GNA15: variants seen among roughly 807,000 people sequenced by gnomAD.
GNA15 encodes the protein G protein subunit alpha 15, also known as guanine nucleotide-binding protein subunit alpha-15.
GNA15 carries 23 observed loss-of-function variants against 40.1 expected under a neutral mutation model. The ratio of observed to expected loss-of-function variants is 0.57; its 90% CI spans 0.41 to 0.81. The LOEUF is 0.81. Ranked by LOEUF, GNA15 falls within the 40% of genes least tolerant of loss-of-function variation. The probability of loss-of-function intolerance (pLI) is 0.00; values close to 1 mark genes in which losing one functional copy is unlikely to be tolerated. For missense variants in GNA15, 522 were observed against 515.8 expected, an observed-to-expected ratio of 1.01 and a Z score of -0.12; for synonymous variants, 226 against 210.4, an observed-to-expected ratio of 1.07 and a Z score of -0.64.
At chr19:3,156,200 A>G (rs1281053033) in intron 5 of GNA15, among the ~76,000 whole-genome samples, 19 of 145,226 alleles carry the variant, frequency 1.3e-4, no homozygotes, top group South Asian at 1.3e-3. Context: ...ACACACACAC[A>G]CACTACAGTG....
In GNA15 at chr19:3,151,868, C is replaced by G. The variant is rs371186848; in HGVS notation, c.614+33C>G. 3 of 1,524,184 alleles carry G rather than the reference C, an allele frequency of 2.0e-6. No individual in the cohort carries two copies. The allele number at this position is 1,524,184 out of a possible 1,614,324, so 94.4% of individuals were successfully genotyped here. A position where few individuals can be genotyped will look rare whatever the true frequency, so the allele number is the denominator to read the frequency against. On this transcript the variant is annotated intron_variant, in intron 4 of 6. Transcript: ENST00000262958. The surrounding 1 kb of genome is among the most constrained non-coding windows in gnomAD (Gnocchi z 5.0). ...CTCCACCTAGGCCCAGCCTAGGGGG[C>G]AGGGAAGGCTTCCTGTAGGAAGGGC...
rs771240163 is a variant in GNA15, at chr19:3,150,137, G to C, written c.337G>C (p.Ala113Pro). ...PFSRPESKHHASLVMSQDPYK... is the reference protein window; with the variant it reads ...PFSRPESKHHPSLVMSQDPYK... ...CCCCGTCCTCCCTCCCCAGCACCAC[G>C]CTAGCCTGGTCATGAGCCAGGACCC... The change falls in exon 3 of 7, where the codon GCT becomes CCT. Residue 113 changes from alanine to proline, a missense_variant. Physicochemically the swap from Ala to Pro is conservative, Grantham distance 27. Coordinates refer to ENST00000262958, the MANE Select transcript of GNA15 (RefSeq NM_002068.4). The C allele has an allele frequency of 3.7e-6, 6 of 1,613,014 alleles. No individual in the cohort carries two copies. Among genetic ancestry groups the C allele is most frequent in the Non-Finnish European group, 5.1e-6 (6 of 1,179,788 alleles).
rs143953630 is a variant in GNA15 at position 3,151,765 on chromosome 19, G to A, written c.544G>A (p.Val182Met). Residue 182 changes from valine to methionine, a missense_variant, in exon 4 of 7, where the codon GTG (valine) becomes ATG (methionine). Coordinates refer to ENST00000262958, the MANE Select transcript of GNA15 (RefSeq NM_002068.4). The surrounding 1 kb of genome is among the most constrained non-coding windows in gnomAD (Gnocchi z 5.0). ...EEGYVPTAQD[V>M]LRSRMPTTGI... is the part of the protein sequence containing the mutation. ...GGGCTACGTCCCCACAGCTCAGGAC[G>A]TGCTCCGCAGCCGCATGCCCACCAC... 2.7e-4 allele frequency: 438 copies of A among 1,612,534 alleles called. 1 individual carries two copies. The highest frequency in any genetic ancestry group is 3.4e-4 in the Non-Finnish European group (405 of 1,179,584).
rs1439742817 is a variant in GNA15 at position 3,136,624 on chromosome 19, G to T, written c.145+29G>T. 1 of 1,540,064 alleles carries T rather than the reference G, an allele frequency of 6.5e-7. No individual in the cohort carries two copies. Among genetic ancestry groups the T allele is most frequent in the Admixed American group, 2.0e-5 (1 of 50,774 alleles). Reference sequence around the variant, plus strand: ...AGTCCAGGGTCGGTGGGCGGTGGGTGGTGGGCAGTGGGCGGTGGCCAGCCG... The same window carrying T: ...AGTCCAGGGTCGGTGGGCGGTGGGTTGTGGGCAGTGGGCGGTGGCCAGCCG... On this transcript the variant is annotated intron_variant, in intron 1 of 6. Transcript: ENST00000262958. The surrounding 1 kb of genome is among the most constrained non-coding windows in gnomAD (Gnocchi z 4.9).
At position 3,157,818 on chromosome 19, in the gene GNA15, A is replaced by T. The variant is rs1915063693; in HGVS notation, c.835A>T (p.Thr279Ser). ...ATCCGTCATCCTCTTTCTCAACAAA[A>T]CCGACATCCTGGAGGAGAAAATCCC... ...STSVILFLNK[T>S]DILEEKIPTS... Residue 279 changes from threonine to serine, a missense_variant, in exon 6 of 7, where the codon ACC becomes TCC. Thr to Ser is a moderately conservative substitution (Grantham distance 58). Transcript: ENST00000262958. 1 of 1,613,668 alleles carries T rather than the reference A, an allele frequency of 6.2e-7. No homozygotes were observed. Among genetic ancestry groups the T allele is most frequent in the East Asian group, 2.2e-5 (1 of 44,878 alleles).
At chr19:3,147,697 G>A (rs911365434) in intron 1 of GNA15, among the ~76,000 whole-genome samples, 10 of 151,798 alleles carry the variant, frequency 6.6e-5, no homozygotes, top group East Asian at 1.9e-4. Context: ...ACGAGGTCAA[G>A]ACCACGGTGA....
chr19:3,159,995 G>T (rs1338904074), intron 6 of GNA15, among the ~76,000 whole-genome samples: 1 of 152,186 alleles, frequency 6.6e-6, no homozygotes, highest in Non-Finnish European at 1.5e-5. Context: ...ACCACTGTGA[G>T]GATAAAGTGT....
chr19:3,147,660 A>C lies in GNA15; in HGVS notation c.146-931A>C, dbSNP rs181414105. Among the ~76,000 whole-genome samples the C allele has an allele frequency of 7.4e-4, 113 of 152,122 alleles. 1 individual carries two copies. The highest frequency in any genetic ancestry group is 1.4e-3 in the Non-Finnish European group (96 of 67,990). The stretch of plus-strand genomic sequence containing the variant: ...GGTGGCTCACGCTTGTAATCCCAGC[A>C]CTTTGGGAGGCCGAGGCGGGTGGAT... On this transcript the variant is annotated intron_variant, in intron 1 of 6. Coordinates refer to ENST00000262958, the MANE Select transcript of GNA15 (RefSeq NM_002068.4).
intron 1 of GNA15, among the ~76,000 whole-genome samples, chr19:3,137,896 G>C (rs1327788100): frequency 5.3e-5 from 8 of 152,222 alleles, no homozygotes; most frequent in South Asian, 4.1e-4. Flanking sequence ...AGGAGGCAGA[G>C]GTTGCAGTGA....
Position 3,162,834 on chromosome 19 carries a change from G to A in GNA15, c.940G>A (p.Asp314Asn). 6.2e-7 allele frequency: 1 copy of A among 1,614,004 alleles called. No individual in the cohort carries two copies. The highest frequency in any genetic ancestry group is 8.5e-7 in the Non-Finnish European group (1 of 1,179,962). The change falls in exon 7 of 7, where the codon GAC (aspartate) becomes AAC (asparagine). Residue 314 changes from aspartate (D) to asparagine (N), a missense_variant. By Grantham distance (23) the Asp-to-Asn change is conservative. Coordinates refer to ENST00000262958, the MANE Select transcript of GNA15 (RefSeq NM_002068.4). ...DAEAAKRFILDMYTRMYTGCV... is the reference protein window; with the variant it reads ...DAEAAKRFILNMYTRMYTGCV... ...TGAGGCAGCCAAGAGGTTCATCCTG[G>A]ACATGTACACGAGGATGTACACCGG...
At position 3,148,652 on chromosome 19, in the gene GNA15, C is replaced by A. The variant is rs145476417; in HGVS notation, c.207C>A (p.Gly69=). The A allele has an allele frequency of 2.0e-5, 32 of 1,590,200 alleles. No homozygotes were observed. In the African/African-American group the frequency reaches 3.8e-4, roughly 19 times the overall value. Residue 69 remains glycine (G), a synonymous_variant, in exon 2 of 7, where the codon GGC becomes GGA. Transcript: ENST00000262958. ...IKQMRIIHGA[G]YSEEERKGFR... The stretch of plus-strand genomic sequence containing the variant: ...AGATGCGGATCATCCACGGCGCCGG[C>A]TACTCGGAGGAGGAGCGCAAGGGCT...
rs1203827962 is a variant in GNA15 at position 3,157,857 on chromosome 19, G to A, written c.874G>A (p.Ala292Thr). 2 of 1,613,410 alleles carry A rather than the reference G, an allele frequency of 1.2e-6. No individual in the cohort carries two copies. Among genetic ancestry groups the A allele is most frequent in the East Asian group, 2.2e-5 (1 of 44,896 alleles). The change falls in exon 6 of 7, where the codon GCT (alanine) becomes ACT (threonine). Residue 292 changes from alanine to threonine, a missense_variant. Transcript: ENST00000262958. The stretch of plus-strand genomic sequence containing the variant: ...GGAGAAAATCCCCACCTCCCACCTG[G>A]CTACCTATTTCCCCAGTTTCCAGGG... ...LEEKIPTSHL[A>T]TYFPSFQGPK...
At chr19:3,158,856 G>T (rs1273380672) in intron 6 of GNA15, among the ~76,000 whole-genome samples, 1 of 151,632 alleles carries the variant, frequency 6.6e-6, no homozygotes, top group East Asian at 2.0e-4. Context: ...GGCTGGTCTC[G>T]AACTGACCTC....
chr19:3,159,424 G>A (rs1375204530), intron 6 of GNA15, among the ~76,000 whole-genome samples: 2 of 142,814 alleles, frequency 1.4e-5, no homozygotes, highest in Admixed American at 7.3e-5. Context: ...TCGGCTCACC[G>A]CAACCTCCGC....
At chr19:3,141,824 C>T (rs551951043) in intron 1 of GNA15, 1 of 152,746 alleles carries the variant, frequency 6.5e-6, no homozygotes, top group East Asian at 1.9e-4. Context: ...GTTCCAAAGT[C>T]CATGCTCCTG....
Position 3,158,031 on chromosome 19 carries a change from G to A in GNA15, c.898+150G>A, listed in dbSNP as rs925261387. On this transcript the variant is annotated intron_variant, in intron 6 of 6. Transcript: ENST00000262958. ...CTAGACTCAGCTCCATCCACTGCCC[G>A]ACCTCATTGAATCTGTTTTCCCTTC... The A allele has an allele frequency of 1.7e-5, 11 of 644,120 alleles. No individual in the cohort carries two copies. The East Asian group carries it at 1.8e-4, about 11-fold the overall frequency. 39.9% of individuals were successfully genotyped at this position (644,120 alleles called of 1,614,324 possible).
intron 4 of GNA15, among the ~76,000 whole-genome samples, chr19:3,154,481 C>T (rs1199728346): frequency 7.8e-6 from 1 of 128,236 alleles, no homozygotes; most frequent in Non-Finnish European, 1.6e-5. Context: ...AATGGGTGGA[C>T]AGATGGGTGG....
At chr19:3,137,925 C>T (rs1914490550) in intron 1 of GNA15, among the ~76,000 whole-genome samples, 2 of 152,016 alleles carry the variant, frequency 1.3e-5, no homozygotes, top group South Asian at 2.1e-4. Flanking sequence ...CGGGCCACTG[C>T]ACTCCAGCCT....
At chr19:3,157,648 C>G (rs1310743296) in intron 5 of GNA15, 80 bp from the exon 6 acceptor site, 1 of 1,315,464 alleles carries the variant, frequency 7.6e-7, no homozygotes, top group Admixed American at 1.8e-5. Context: ...CTGGAGCCAA[C>G]AGCCCCGTCT....
Sources: gnomAD v4.1 joint callset for allele counts (sites outside exome capture counted in the v4.1 genomes callset) on GRCh38, gnomAD v4.1.1 for gene constraint, Gnocchi (gnomAD v3.1) non-coding constraint, MANE v1.5 for transcripts, NCBI Gene and HGNC (gene_info 2026-07-23, HGNC 2026-07-21) for gene names.